PLOD2: variants seen among roughly 807,000 people sequenced by gnomAD.
PLOD2 encodes procollagen-lysine,2-oxoglutarate 5-dioxygenase 2, also known as lysine hydroxylase 2.
In PLOD2, 65 loss-of-function variants were observed where a neutral mutation model predicts 101.0. The ratio of observed to expected loss-of-function variants is 0.64; its 90% CI spans 0.53 to 0.79. The LOEUF (loss-of-function observed/expected upper bound fraction) is 0.79, where lower values mean the gene tolerates loss of function less well. PLOD2 is among the 30% of genes least tolerant of loss of function. PLOD2 has a pLI of 0.00. For missense variants in PLOD2, 909 were observed against 914.6 expected (o/e 0.99, Z 0.08); for synonymous variants, 314 against 302.9 (o/e 1.04, Z -0.38).
chr3:146,083,739 G>A (rs907304764), intron 11 of PLOD2, among the ~76,000 whole-genome samples: 9 of 151,650 alleles, frequency 5.9e-5, no homozygotes, highest in East Asian at 1.9e-4. Context: ...CCGCTACCAC[G>A]CCCGGCTAAT....
At chr3:146,112,638 G>A (rs891689887) in intron 3 of PLOD2, among the ~76,000 whole-genome samples, 23 of 152,068 alleles carry the variant, frequency 1.5e-4, no homozygotes, top group Admixed American at 1.3e-3. Context: ...GGATCATGAG[G>A]TCAAGAGATC....
intron 7 of PLOD2, among the ~76,000 whole-genome samples, chr3:146,098,666 A>AT (rs1220156394): frequency 6.6e-6 from 1 of 152,136 alleles, no homozygotes; most frequent in Non-Finnish European, 1.5e-5. Context: ...AAATAAGCTC[A>AT]TTTTTTATAC....
chr3:146,106,124 G>GCC (rs1458440601), intron 5 of PLOD2, among the ~76,000 whole-genome samples: 1 of 152,186 alleles, frequency 6.6e-6, no homozygotes, highest in African/African-American at 2.4e-5. Context: ...AACCTATTCT[G>GCC]TTATTTTAAG....
intron 1 of PLOD2, among the ~76,000 whole-genome samples, chr3:146,125,475 G>C (rs755841019): frequency 6.6e-6 from 1 of 151,988 alleles, no homozygotes; most frequent in Non-Finnish European, 1.5e-5. Flanking sequence ...GGCCAGGCAC[G>C]GTAGGTCATG....
intron 1 of PLOD2, among the ~76,000 whole-genome samples, chr3:146,133,048 C>T (rs1419713571): frequency 2.6e-5 from 4 of 152,176 alleles, no homozygotes; most frequent in African/African-American, 4.8e-5. Flanking sequence ...TGGTGGCTGG[C>T]ACCTGTAGTC....
Position 146,145,690 on chromosome 3 carries a change from T to C in PLOD2, c.109+15191A>G, listed in dbSNP as rs546190595. ...TATGGTAGTCCACAAAGTTTTCTTT[T>C]GTACTTTTGTTATCATGAATTTTTA... On this transcript the variant is annotated intron_variant, in intron 1 of 19. Transcript: ENST00000282903. 9.8e-5 allele frequency among the ~76,000 whole-genome samples: 15 copies of C among 152,328 alleles called. No homozygotes were observed. In the South Asian group the frequency reaches 3.1e-3, roughly 32 times the overall value.
At chr3:146,096,111 G>T (rs926867553) in intron 7 of PLOD2, among the ~76,000 whole-genome samples, 1 of 150,498 alleles carries the variant, frequency 6.6e-6, no homozygotes, top group Non-Finnish European at 1.5e-5. Flanking sequence ...CTGGTCTCCA[G>T]CTCCTAACTG....
At chr3:146,119,348 C>T (rs543650578) in intron 3 of PLOD2, among the ~76,000 whole-genome samples, 1 of 152,244 alleles carries the variant, frequency 6.6e-6, no homozygotes, top group Non-Finnish European at 1.5e-5. Context: ...CCAACTAAAT[C>T]TCTTTTCTTT....
chr3:146,080,933 T>TG (rs1179796365), intron 12 of PLOD2, among the ~76,000 whole-genome samples: 1 of 152,130 alleles, frequency 6.6e-6, no homozygotes, highest in Non-Finnish European at 1.5e-5. Context: ...ACCACTCAAC[T>TG]GTTTGAACAG....
chr3:146,071,545 G>C, intron 17 of PLOD2, 122 bp from the exon 18 acceptor site: 1 of 907,920 alleles, frequency 1.1e-6, no homozygotes, highest in Non-Finnish European at 1.8e-6. Context: ...TTCCAATGTG[G>C]TATATCATCT....
intron 3 of PLOD2, among the ~76,000 whole-genome samples, chr3:146,119,591 C>T (rs1417764624): frequency 2.6e-5 from 4 of 152,114 alleles, no homozygotes; most frequent in Non-Finnish European, 5.9e-5. Flanking sequence ...ATCCCTCCCC[C>T]ATTCCCCCAC....
chr3:146,085,651 A>G (rs1936740767), intron 10 of PLOD2: 1 of 250,434 alleles, frequency 4.0e-6, no homozygotes, highest in African/African-American at 2.2e-5. Context: ...TTGGAGATGT[A>G]AGTATATGAC....
intron 7 of PLOD2, among the ~76,000 whole-genome samples, chr3:146,096,764 G>GC (rs921974134): frequency 6.7e-6 from 1 of 148,494 alleles, no homozygotes; most frequent in African/African-American, 2.5e-5. Flanking sequence ...GGGGGGGTCA[G>GC]CCCCCCGCCC....
At chr3:146,076,506 T>G (rs1936339654) in intron 15 of PLOD2, 1 of 248,160 alleles carries the variant, frequency 4.0e-6, no homozygotes, top group South Asian at 6.5e-5. Flanking sequence ...TGTTTTAAGA[T>G]CTTTGAGAAA....
At chr3:146,124,562 T>C (rs552389799) in intron 1 of PLOD2, among the ~76,000 whole-genome samples, 3 of 152,224 alleles carry the variant, frequency 2.0e-5, no homozygotes, top group African/African-American at 7.2e-5. Flanking sequence ...TCTGACATTA[T>C]CTAATCAACA....
chr3:146,158,239 G>T (rs1410428702), intron 1 of PLOD2, among the ~76,000 whole-genome samples: 1 of 152,092 alleles, frequency 6.6e-6, no homozygotes, highest in African/African-American at 2.4e-5. Flanking sequence ...AGAAGGTTCT[G>T]CCTCTGAAAG....
At position 146,070,501 on chromosome 3, in the gene PLOD2, T is replaced by C; in HGVS notation, c.*216A>G. Reference sequence around the variant, plus strand: ...AATAAATATTTAAGTTTTTTCTTTCTTTTCTTCTTCAATCTGTGTTTTAAG... The same window carrying C: ...AATAAATATTTAAGTTTTTTCTTTCCTTTCTTCTTCAATCTGTGTTTTAAG... On this transcript the variant is annotated 3_prime_UTR_variant, in exon 20 of 20. Coordinates refer to ENST00000282903, the MANE Select transcript of PLOD2 (RefSeq NM_182943.3). The C allele has an allele frequency of 2.7e-6, 1 of 365,648 alleles. No individual in the cohort carries two copies. The highest frequency in any genetic ancestry group is 4.2e-5 in the East Asian group (1 of 23,594). The allele number at this position is 365,648 out of a possible 1,614,324, so 22.7% of individuals were successfully genotyped here. A position where few individuals can be genotyped will look rare whatever the true frequency, so the allele number is the denominator to read the frequency against.
At position 146,076,824 on chromosome 3, in the gene PLOD2, G is replaced by C. The variant is rs376954849; in HGVS notation, c.1635C>G (p.Ser545=). The C allele has an allele frequency of 3.2e-6, 5 of 1,587,222 alleles. No homozygotes were observed. The highest frequency in any genetic ancestry group is 4.5e-5 in the East Asian group (2 of 44,572). Residue 545 remains serine, a synonymous_variant, in exon 15 of 20, where the codon TCC becomes TCG. Transcript: ENST00000282903. The part of the protein sequence containing the change: ...RLLSTANYNT[S]HYNNDLWQIF... ...TCTGCCAGAGGTCATTGTTATAATGGGAAGTATTGTAATTAGCAGTGGATA... is the reference window on the plus strand; with the variant it reads ...TCTGCCAGAGGTCATTGTTATAATGCGAAGTATTGTAATTAGCAGTGGATA...
chr3:146,141,679 C>T (rs1024037901), intron 1 of PLOD2, among the ~76,000 whole-genome samples: 3 of 152,050 alleles, frequency 2.0e-5, no homozygotes, highest in Admixed American at 1.3e-4. Context: ...AGTTGATACA[C>T]AGTAGGCACT....
Sources: allele counts gnomAD v4.1 joint callset (sites outside exome capture counted in the v4.1 genomes callset), GRCh38; gene constraint gnomAD v4.1.1; transcripts MANE v1.5; gene names NCBI Gene and HGNC (gene_info 2026-07-23, HGNC 2026-07-21).